Variants in DPP10 observed in about 807,000 individuals in gnomAD.
The protein encoded by DPP10 is inactive dipeptidyl peptidase 10.
Under a neutral mutation model 120.9 loss-of-function variants are expected in DPP10, and 33 were observed. That is an observed-to-expected ratio of 0.27 (90% CI 0.21 to 0.37). DPP10 has a LOEUF of 0.37. DPP10 is among the 10% of genes least tolerant of loss of function. DPP10 has a pLI of 1.00. For synonymous variants in DPP10, 337 were observed against 326.1 expected, an observed-to-expected ratio of 1.03 and a Z score of -0.36; for missense variants, 816 against 942.8, an observed-to-expected ratio of 0.87 and a Z score of 1.76.
intron 1 of DPP10, among the ~76,000 whole-genome samples, chr2:114,621,919 T>C (rs964827621): frequency 2.0e-5 from 3 of 151,854 alleles, no homozygotes; most frequent in African/African-American, 7.3e-5. Context: ...AGCGAGTGAC[T>C]AGCCCTGGGC....
At chr2:114,450,523 C>T (rs990008666) in intron 1 of DPP10, among the ~76,000 whole-genome samples, 1 of 151,680 alleles carries the variant, frequency 6.6e-6, no homozygotes, top group Non-Finnish European at 1.5e-5. Flanking sequence ...ACAAAAAGAA[C>T]AAAGAAAGCT....
chr2:114,610,349 A>T (rs908343857), intron 1 of DPP10, among the ~76,000 whole-genome samples: 2 of 152,122 alleles, frequency 1.3e-5, no homozygotes, highest in African/African-American at 2.4e-5. Context: ...AGACCTTTTT[A>T]ACCTAGGGGA....
At position 115,536,643 on chromosome 2, in the gene DPP10, G is replaced by T. The variant is rs117848812; in HGVS notation, c.441+10671G>T. On this transcript the variant is annotated intron_variant, in intron 5 of 25. Transcript: ENST00000410059. ...AGAGAAATAATTTAAGGTTCCTTTT[G>T]GTTTATGATGCTATTTTATAGGACA... Among the ~76,000 whole-genome samples, 395 of 151,982 alleles carry T rather than the reference G, an allele frequency of 2.6e-3. 19 individuals carry two copies. The East Asian group carries it at 0.074, about 29-fold the overall frequency.
intron 1 of DPP10, among the ~76,000 whole-genome samples, chr2:114,500,621 C>A (rs977132672): frequency 6.6e-6 from 1 of 152,050 alleles, no homozygotes; most frequent in Non-Finnish European, 1.5e-5. Context: ...TGACAGGGGC[C>A]TTAAGAGCAA....
chr2:115,637,983 T>C (rs1054485125), intron 5 of DPP10, among the ~76,000 whole-genome samples: 11 of 152,176 alleles, frequency 7.2e-5, no homozygotes, highest in African/African-American at 2.4e-4. Context: ...GAGCCAGAGA[T>C]CTGATTGCAT....
rs536463931 is a variant in DPP10, at chr2:115,331,711, A to T, written c.176-12106A>T. Among the ~76,000 whole-genome samples the T allele has an allele frequency of 1.1e-4, 16 of 152,230 alleles. No homozygotes were observed. In the South Asian group the frequency reaches 3.1e-3, roughly 30 times the overall value. On this transcript the variant is annotated intron_variant, in intron 2 of 25. Coordinates refer to ENST00000410059, the MANE Select transcript of DPP10 (RefSeq NM_020868.6). Reference sequence around the variant, plus strand: ...GGTTTTTGTCTTTGGTTCTATTTATATGATGGATTATGTTTGTTGATTTGC... The same window carrying T: ...GGTTTTTGTCTTTGGTTCTATTTATTTGATGGATTATGTTTGTTGATTTGC...
chr2:114,795,682 T>A (rs574936860), intron 1 of DPP10, among the ~76,000 whole-genome samples: 8 of 152,288 alleles, frequency 5.3e-5, no homozygotes, highest in Non-Finnish European at 1.2e-4. Context: ...TTTAGAGATT[T>A]GTGACAATTT....
At chr2:115,684,208 T>C (rs1204910991) in intron 5 of DPP10, among the ~76,000 whole-genome samples, 1 of 151,876 alleles carries the variant, frequency 6.6e-6, no homozygotes, top group Non-Finnish European at 1.5e-5. Flanking sequence ...AAGCTTTTGT[T>C]AAAAGGGCAA....
intron 1 of DPP10, among the ~76,000 whole-genome samples, chr2:114,444,658 C>T (rs774867470): frequency 2.6e-5 from 4 of 152,110 alleles, no homozygotes; most frequent in Non-Finnish European, 5.9e-5. Flanking sequence ...CTAACTGCAG[C>T]CATTGAGTTG....
Position 114,888,605 on chromosome 2 carries a change from T to A in DPP10, c.61-420634T>A, listed in dbSNP as rs550555284. Among the ~76,000 whole-genome samples, 7 of 152,338 alleles carry A rather than the reference T, an allele frequency of 4.6e-5. No homozygotes were observed. In the East Asian group the frequency reaches 1.3e-3, roughly 29 times the overall value. On this transcript the variant is annotated intron_variant, in intron 1 of 25. Transcript: ENST00000410059. Reference sequence around the variant, plus strand: ...TAGAACTTGAATTTCATTTTGAGAATGATTGAAGTTTGGGTTAAAGATGGA... The same window carrying A: ...TAGAACTTGAATTTCATTTTGAGAAAGATTGAAGTTTGGGTTAAAGATGGA...
intron 5 of DPP10, among the ~76,000 whole-genome samples, chr2:115,540,779 A>G (rs749491810): frequency 6.6e-6 from 1 of 151,926 alleles, no homozygotes; most frequent in African/African-American, 2.4e-5. Flanking sequence ...ATCCAAGGAT[A>G]TCACTTTGTT....
At chr2:114,755,700 T>C (rs1679666981) in intron 1 of DPP10, among the ~76,000 whole-genome samples, 1 of 152,166 alleles carries the variant, frequency 6.6e-6, no homozygotes, top group African/African-American at 2.4e-5. Flanking sequence ...TGGAGCCAAC[T>C]TTCAGACTTA....
chr2:114,488,499 G>A (rs769735190), intron 1 of DPP10, among the ~76,000 whole-genome samples: 11 of 152,088 alleles, frequency 7.2e-5, no homozygotes, highest in Non-Finnish European at 1.0e-4. Context: ...ATGAAAATAG[G>A]GCCTGTGGTC....
intron 1 of DPP10, among the ~76,000 whole-genome samples, chr2:114,736,344 T>G (rs1677434525): frequency 6.6e-6 from 1 of 152,130 alleles, no homozygotes; most frequent in Non-Finnish European, 1.5e-5. Context: ...TGTCATATCT[T>G]TGTGTTTCCA....
At chr2:115,561,081 G>A (rs2080628103) in intron 5 of DPP10, among the ~76,000 whole-genome samples, 1 of 152,134 alleles carries the variant, frequency 6.6e-6, no homozygotes, top group African/African-American at 2.4e-5. Context: ...AGGTGCAGTG[G>A]CTCACGCCTG....
chr2:115,128,713 T>C (rs758131730), intron 1 of DPP10, among the ~76,000 whole-genome samples: 38 of 152,210 alleles, frequency 2.5e-4, no homozygotes, highest in Non-Finnish European at 4.6e-4. Flanking sequence ...CAATTGTCCT[T>C]ATGATTTTGT....
At chr2:114,684,153 G>A (rs1699216945) in intron 1 of DPP10, among the ~76,000 whole-genome samples, 1 of 151,936 alleles carries the variant, frequency 6.6e-6, no homozygotes, top group African/African-American at 2.4e-5. Context: ...AGTGATGGCT[G>A]GCTGTAGTGG....
chr2:115,333,250 G>C (rs1409553850), intron 2 of DPP10, among the ~76,000 whole-genome samples: 1 of 151,952 alleles, frequency 6.6e-6, no homozygotes, highest in Non-Finnish European at 1.5e-5. Flanking sequence ...TACAACCCCT[G>C]CCTGTTTTTG....
At chr2:115,691,395 T>C (rs1188600190) in intron 7 of DPP10, among the ~76,000 whole-genome samples, 2 of 152,180 alleles carry the variant, frequency 1.3e-5, no homozygotes, top group Non-Finnish European at 2.9e-5. Flanking sequence ...CTTTTTTTGG[T>C]ATGGTATTAA....
Sources: allele counts gnomAD v4.1 joint callset (sites outside exome capture counted in the v4.1 genomes callset), GRCh38; gene constraint gnomAD v4.1.1; transcripts MANE v1.5; gene names NCBI Gene and HGNC (gene_info 2026-07-23, HGNC 2026-07-21).